The following PKD1L3 variants were observed in gnomAD, a reference collection of about 807,000 sequenced individuals.
The protein encoded by PKD1L3 is polycystin-1-like protein 3.
PKD1L3 carries 239 observed loss-of-function variants against 184.1 expected under a neutral mutation model. The ratio of observed to expected loss-of-function variants is 1.30; its 90% CI spans 1.17 to 1.45. The LOEUF (loss-of-function observed/expected upper bound fraction) is 1.45. PKD1L3 is among the 40% of genes most tolerant of loss of function. The pLI, the probability that PKD1L3 is intolerant of heterozygous loss-of-function variation, is 0.00. For synonymous variants in PKD1L3, 996 were observed against 778.8 expected (o/e 1.28, Z -4.64); for missense variants, 2,660 against 2,067.2 (o/e 1.29, Z -5.56).
At chr16:71,988,890 G>A (rs773487129) in intron 4 of PKD1L3, among the ~76,000 whole-genome samples, 7 of 152,156 alleles carry the variant, frequency 4.6e-5, no homozygotes, top group African/African-American at 7.2e-5. Flanking sequence ...AAAGATAAGC[G>A]TTATCTTAAC....
intron 4 of PKD1L3, among the ~76,000 whole-genome samples, chr16:71,987,165 C>T (rs2040404396): frequency 2.0e-5 from 3 of 151,356 alleles, no homozygotes; most frequent in African/African-American, 7.3e-5. Context: ...CCTTGTGATC[C>T]ACCCACCTTG....
intron 4 of PKD1L3, among the ~76,000 whole-genome samples, chr16:71,987,705 A>T (rs925421646): frequency 1.3e-5 from 2 of 151,928 alleles, no homozygotes; most frequent in Non-Finnish European, 2.9e-5. Flanking sequence ...GGATTTCACT[A>T]CGTTGCCCAG....
chr16:71,937,327 A>C lies in PKD1L3; in HGVS notation c.4417T>G (p.Tyr1473Asp), dbSNP rs760831174. The change falls in exon 25 of 30, where the codon TAT becomes GAT. Residue 1473 changes from tyrosine (Y) to aspartate (D), a missense_variant. Physicochemically the swap from Tyr to Asp is radical, Grantham distance 160. Transcript: ENST00000620267. ...GCATAGTAACAGACCAGTAGATAAT[A>C]GATGACTTGTGAGATGATAGACCAG... ...CVWSIISQVI[Y>D]YLLVCYYAFI... The C allele has an allele frequency of 6.4e-7, 1 of 1,551,656 alleles. No homozygotes were observed. The highest frequency in any genetic ancestry group is 1.2e-5 in the South Asian group (1 of 84,060).
chr16:71,996,286 G>T (rs201233108), intron 2 of PKD1L3, among the ~76,000 whole-genome samples: 1 of 126,100 alleles, frequency 7.9e-6, no homozygotes, highest in Non-Finnish European at 1.6e-5. Context: ...TTTCTGAGAC[G>T]GAGTCTTGCT....
At chr16:71,983,357 G>C (rs2040232078) in intron 6 of PKD1L3, among the ~76,000 whole-genome samples, 1 of 152,150 alleles carries the variant, frequency 6.6e-6, no homozygotes, top group Non-Finnish European at 1.5e-5. Flanking sequence ...ATGTTGCCCA[G>C]GCTGGTCTCG....
At chr16:71,981,976 C>T in intron 7 of PKD1L3, 83 bp downstream of exon 7, 1 of 1,336,920 alleles carries the variant, frequency 7.5e-7, no homozygotes, top group South Asian at 1.6e-5. Context: ...CTTTAAAGGT[C>T]TGGGGAGAGG....
Position 71,935,489 on chromosome 16 carries a change from C to T in PKD1L3, c.4482G>A (p.Arg1494=). ...QGCQLKQQKW[R]FFTGKRNILD... ...GAATGTTTCTTTTCCCAGTGAAGAACCTCCACTTCTGCTGTTTCAGCTGAC... is the reference window on the plus strand; with the variant it reads ...GAATGTTTCTTTTCCCAGTGAAGAATCTCCACTTCTGCTGTTTCAGCTGAC... The change falls in exon 26 of 30, where the codon AGG becomes AGA. Residue 1494 remains arginine, a synonymous_variant. Coordinates refer to ENST00000620267, the MANE Select transcript of PKD1L3 (RefSeq NM_181536.2). 2.6e-6 allele frequency: 4 copies of T among 1,552,136 alleles called. No individual in the cohort carries two copies. The highest frequency in any genetic ancestry group is 3.5e-6 in the Non-Finnish European group (4 of 1,147,058).
At chr16:71,987,574 C>T (rs1279653630) in intron 4 of PKD1L3, among the ~76,000 whole-genome samples, 4 of 151,988 alleles carry the variant, frequency 2.6e-5, no homozygotes, top group Non-Finnish European at 5.9e-5. Flanking sequence ...GGTTTCACCA[C>T]CATGTTGCCC....
rs78265793 is a variant in PKD1L3, at chr16:71,974,405, C to G, written c.1760-888G>C. Among the ~76,000 whole-genome samples, 92 of 152,228 alleles carry G rather than the reference C, an allele frequency of 6.0e-4. No homozygotes were observed. The East Asian group carries it at 0.016, about 27-fold the overall frequency. On this transcript the variant is annotated intron_variant, in intron 11 of 29. Coordinates refer to ENST00000620267, the MANE Select transcript of PKD1L3 (RefSeq NM_181536.2). ...AAGAAAAACTGAGTCCATGGCCAGG[C>G]GCAGTGGCTCAGGCCTATAATCCAA...
chr16:71,937,417 C>A lies in PKD1L3; in HGVS notation c.4327G>T (p.Ala1443Ser). Residue 1443 changes from alanine (A) to serine (S), a missense_variant and splice_region_variant, in exon 25 of 30, where the codon GCT becomes TCT. Ala to Ser is a moderately conservative substitution (Grantham distance 99). Transcript: ENST00000620267. ...TCCAGTCTCAAAGAGGTGAAGAAAG[C>A]ACCTGAGAATAACAAAGAACACCTG... ...ENGFSYIMRG[A>S]FFTSLRLESF... 1 of 1,550,870 alleles carries A rather than the reference C, an allele frequency of 6.4e-7. No individual in the cohort carries two copies. The highest frequency in any genetic ancestry group is 8.7e-7 in the Non-Finnish European group (1 of 1,146,756).
At chr16:71,952,810 T>C in intron 18 of PKD1L3, 84 bp downstream of exon 18, 2 of 1,383,932 alleles carry the variant, frequency 1.4e-6, no homozygotes, top group Non-Finnish European at 1.9e-6. Context: ...TACACTCCAG[T>C]CTGTGCAACA....
At chr16:71,956,204 T>G (rs2039041768) in intron 16 of PKD1L3, among the ~76,000 whole-genome samples, 1 of 146,026 alleles carries the variant, frequency 6.8e-6, no homozygotes, top group South Asian at 2.3e-4. Flanking sequence ...TTTTTTTTTT[T>G]TTTTGTGAGA....
chr16:71,986,917 T>A (rs1375427249), intron 4 of PKD1L3, among the ~76,000 whole-genome samples: 46 of 51,642 alleles, frequency 8.9e-4, no homozygotes, highest in African/African-American at 2.1e-3. Flanking sequence ...GGAGAGGATT[T>A]TTTTTTTTTT....
At chr16:71,931,459 C>A (rs535494538) in intron 28 of PKD1L3, among the ~76,000 whole-genome samples, 45 of 150,386 alleles carry the variant, frequency 3.0e-4, no homozygotes, top group Non-Finnish European at 4.7e-4. Flanking sequence ...TGTCTTCTCC[C>A]CCACTTTTTT....
In PKD1L3 at chr16:71,949,804, G is replaced by T. The variant is rs1009296669; in HGVS notation, c.3597C>A (p.Ile1199=). The T allele has an allele frequency of 3.9e-6, 6 of 1,550,700 alleles. No individual in the cohort carries two copies. Among genetic ancestry groups the T allele is most frequent in the Non-Finnish European group, 4.4e-6 (5 of 1,146,828 alleles). ...ISIILSVLQN[I]FISQPVKVVF... ...ATACCTTTACTGGCTGGCTGATGAA[G>T]ATGTTCTGAAGCACTGATAAAATAA... Residue 1199 remains isoleucine, a synonymous_variant, in exon 21 of 30, where the codon ATC becomes ATA. Coordinates refer to ENST00000620267, the MANE Select transcript of PKD1L3 (RefSeq NM_181536.2).
chr16:71,950,173 T>C lies in PKD1L3; in HGVS notation c.3328A>G (p.Lys1110Glu). 6.4e-7 allele frequency: 1 copy of C among 1,552,220 alleles called. No individual in the cohort carries two copies. The highest frequency in any genetic ancestry group is 8.7e-7 in the Non-Finnish European group (1 of 1,147,102). The change falls in exon 20 of 30, where the codon AAA (lysine) becomes GAA (glutamate). Residue 1110 changes from lysine (K) to glutamate (E), a missense_variant. Physicochemically the swap from Lys to Glu is moderately conservative, Grantham distance 56. Coordinates refer to ENST00000620267, the MANE Select transcript of PKD1L3 (RefSeq NM_181536.2). ...DFLDAASQLQ[K>E]LQELLETHIL... ...TGTGTTTCCAAGAGTTCCTGGAGTT[T>C]TTGAAGTTGGCTGGCTGCATCTAGG...
chr16:71,976,183 G>A (rs1245781766), intron 11 of PKD1L3, among the ~76,000 whole-genome samples: 2 of 150,254 alleles, frequency 1.3e-5, no homozygotes, highest in South Asian at 2.1e-4. Context: ...CCTGACCTAA[G>A]TTGATCCACC....
At chr16:71,957,076 T>C (rs1222004939) in intron 16 of PKD1L3, among the ~76,000 whole-genome samples, 2 of 152,156 alleles carry the variant, frequency 1.3e-5, no homozygotes, top group African/African-American at 2.4e-5. Context: ...TTTTCATAAA[T>C]TAGAATTTTA....
intron 15 of PKD1L3, among the ~76,000 whole-genome samples, chr16:71,964,399 T>C: frequency 7.5e-6 from 1 of 133,172 alleles, no homozygotes; most frequent in Non-Finnish European, 1.5e-5. Context: ...AGTGCAGTGG[T>C]GTGATCTTGG....
Sources: gnomAD v4.1 joint callset for allele counts (sites outside exome capture counted in the v4.1 genomes callset) on GRCh38, gnomAD v4.1.1 for gene constraint, MANE v1.5 for transcripts, NCBI Gene and HGNC (gene_info 2026-07-23, HGNC 2026-07-21) for gene names.